Variants in PTPN2 observed in about 807,000 individuals in gnomAD.
PTPN2 encodes protein tyrosine phosphatase non-receptor type 2.
In PTPN2, 19 loss-of-function variants were observed where a neutral mutation model predicts 57.3. That is an observed-to-expected ratio of 0.33 (90% CI 0.23 to 0.49). The LOEUF is 0.49. PTPN2 is among the 20% of genes least tolerant of loss of function. The pLI is 0.99. For missense variants in PTPN2, 358 were observed against 501.1 expected (o/e 0.71, Z 2.73); for synonymous variants, 153 against 164.9 (o/e 0.93, Z 0.55).
At chr18:12,836,410 A>G (rs1379870583) in intron 3 of PTPN2, among the ~76,000 whole-genome samples, 1 of 152,236 alleles carries the variant, frequency 6.6e-6, no homozygotes, top group African/African-American at 2.4e-5. Context: ...TATGCGAGGC[A>G]GGGGGAGCTA....
At chr18:12,829,581 T>A (rs1420986927) in intron 4 of PTPN2, among the ~76,000 whole-genome samples, 1 of 149,572 alleles carries the variant, frequency 6.7e-6, no homozygotes, top group Non-Finnish European at 1.5e-5. Context: ...GGTAATTTGA[T>A]CAAAAATAAG....
chr18:12,842,863 T>C (rs1386880015), intron 2 of PTPN2, among the ~76,000 whole-genome samples: 1 of 152,156 alleles, frequency 6.6e-6, no homozygotes, highest in African/African-American at 2.4e-5. Flanking sequence ...TTCCAGAAGA[T>C]TTTCACATAT....
At chr18:12,816,369 A>G (rs1818402746) in intron 6 of PTPN2, among the ~76,000 whole-genome samples, 1 of 152,180 alleles carries the variant, frequency 6.6e-6, no homozygotes. Flanking sequence ...GGTTATTGAT[A>G]ATCTTAGAAC....
chr18:12,842,420 G>C (rs1044005656), intron 2 of PTPN2, among the ~76,000 whole-genome samples: 11 of 152,156 alleles, frequency 7.2e-5, no homozygotes, highest in Non-Finnish European at 1.3e-4. Flanking sequence ...TAAATGCTAA[G>C]AAAAAAGAGT....
chr18:12,869,534 T>C (rs916880175), intron 1 of PTPN2, among the ~76,000 whole-genome samples: 1 of 152,194 alleles, frequency 6.6e-6, no homozygotes, highest in Non-Finnish European at 1.5e-5. Context: ...ATAGTTATAA[T>C]ATTTTATTAA....
intron 9 of PTPN2, chr18:12,786,544 A>C (rs1024474342): frequency 1.3e-5 from 2 of 152,212 alleles, no homozygotes; most frequent in African/African-American, 4.8e-5. Flanking sequence ...GACTATTGTA[A>C]GGGCAGTTGA....
At chr18:12,857,277 C>G (rs1425142999) in intron 2 of PTPN2, among the ~76,000 whole-genome samples, 1 of 151,578 alleles carries the variant, frequency 6.6e-6, no homozygotes, top group Non-Finnish European at 1.5e-5. Flanking sequence ...TGGTTTGCAT[C>G]TAGACTGTGG....
chr18:12,785,836 A>G, exon 10 of PTPN2: 1 of 1,610,124 alleles, frequency 6.2e-7, no homozygotes, highest in Non-Finnish European at 8.5e-7. Context: ...GGTGTCTGTC[A>G]ATCTTGGCCT....
chr18:12,817,545 A>C (rs1250609784), intron 5 of PTPN2, among the ~76,000 whole-genome samples, 180 bp from the exon 6 acceptor site: 1 of 152,218 alleles, frequency 6.6e-6, no homozygotes, highest in Non-Finnish European at 1.5e-5. Flanking sequence ...CTTTAGTGGA[A>C]ATTTGTGATG....
chr18:12,818,658 G>T (rs1329146513), intron 5 of PTPN2, among the ~76,000 whole-genome samples: 1 of 150,190 alleles, frequency 6.7e-6, no homozygotes, highest in Admixed American at 6.6e-5. Context: ...TATTGTAGGA[G>T]GTTTTTTTTT....
intron 1 of PTPN2, among the ~76,000 whole-genome samples, chr18:12,874,703 C>A (rs1161038225): frequency 6.6e-6 from 1 of 150,386 alleles, no homozygotes; most frequent in African/African-American, 2.4e-5. Context: ...ACCCCTCGCC[C>A]GGCCAGCCGC....
At position 12,825,847 on chromosome 18, in the gene PTPN2, T is replaced by G; in HGVS notation, c.458A>C (p.Tyr153Ser). The G allele has an allele frequency of 6.2e-7, 1 of 1,611,256 alleles. No individual in the cohort carries two copies. The highest frequency in any genetic ancestry group is 8.5e-7 in the Non-Finnish European group (1 of 1,179,360). The part of the protein sequence containing the change: ...VKLLSEDVKS[Y>S]YTVHLLQLEN... ...TAATTGTAGTAGATGTACTGTATAA[T>G]ACGACTTCACATCTTCTGACAAGAG... Residue 153 changes from tyrosine to serine, a missense_variant, in exon 5 of 9, where the codon TAT (tyrosine) becomes TCT (serine). Tyr to Ser is a moderately radical substitution (Grantham distance 144). This residue lies in a region of PTPN2 where 193 missense variants were observed against 315.4 expected (regional missense o/e 0.61). Transcript: ENST00000309660.
intron 2 of PTPN2, among the ~76,000 whole-genome samples, chr18:12,858,109 A>G (rs1343335912): frequency 1.3e-5 from 2 of 152,212 alleles, no homozygotes; most frequent in African/African-American, 4.8e-5. Context: ...AATGTATATA[A>G]AGGTATACAG....
At chr18:12,834,650 A>T (rs62097820) in intron 3 of PTPN2, among the ~76,000 whole-genome samples, 37,804 of 151,820 alleles carry the variant, frequency 0.25, 5,247 homozygotes, top group South Asian at 0.53. Flanking sequence ...GTACCATGAC[A>T]GTAGTCTACC....
chr18:12,826,592 G>A (rs1199613995), intron 4 of PTPN2, among the ~76,000 whole-genome samples: 2 of 151,978 alleles, frequency 1.3e-5, no homozygotes, highest in Non-Finnish European at 2.9e-5. Context: ...CTTTTGAGCT[G>A]GAGTCTTGCT....
chr18:12,837,684 T>A (rs1463259245), intron 2 of PTPN2, among the ~76,000 whole-genome samples: 1 of 152,138 alleles, frequency 6.6e-6, no homozygotes, highest in African/African-American at 2.4e-5. Context: ...ACTAAAAACA[T>A]GGTGTTTGAT....
At position 12,806,924 on chromosome 18, in the gene PTPN2, A is replaced by G. The variant is rs8087463; in HGVS notation, c.859-4773T>C. Among the ~76,000 whole-genome samples, 524 of 152,122 alleles carry G rather than the reference A, an allele frequency of 3.4e-3. 2 individuals carry two copies. Among genetic ancestry groups the G allele is most frequent in the Non-Finnish European group, 6.4e-3 (435 of 67,974 alleles). On this transcript the variant is annotated intron_variant, in intron 7 of 8. Coordinates refer to ENST00000309660, the MANE Select transcript of PTPN2 (RefSeq NM_002828.4). ...TTTGTATAAGACCTCAAAAGCAAAAACAGACAAATGGGATTACATCAAACT... is the reference window on the plus strand; with the variant it reads ...TTTGTATAAGACCTCAAAAGCAAAAGCAGACAAATGGGATTACATCAAACT...
chr18:12,864,181 T>C (rs2043913434), intron 1 of PTPN2: 1 of 124,096 alleles, frequency 8.1e-6, no homozygotes, highest in African/African-American at 2.9e-5. Context: ...CTATTATTAA[T>C]ACACGCTATT....
chr18:12,845,873 T>C (rs1030339547), intron 2 of PTPN2, among the ~76,000 whole-genome samples: 6 of 152,300 alleles, frequency 3.9e-5, no homozygotes, highest in Non-Finnish European at 7.4e-5. Flanking sequence ...TACTTACTCA[T>C]AGTATAGCCA....
Sources: gnomAD v4.1 joint callset for allele counts (sites outside exome capture counted in the v4.1 genomes callset) on GRCh38, gnomAD v4.1.1 for gene constraint, gnomAD v4.1.1 regional missense constraint, MANE v1.5 for transcripts, NCBI Gene and HGNC (gene_info 2026-07-23, HGNC 2026-07-21) for gene names.